The following SIAH1 variants were observed in gnomAD, a reference collection of about 807,000 sequenced individuals.
SIAH1 encodes siah E3 ubiquitin protein ligase 1.
SIAH1 carries 2 observed loss-of-function variants against 20.0 expected under a neutral mutation model. The observed-to-expected ratio is 0.10, with a 90% CI of 0.04 to 0.31. The LOEUF (loss-of-function observed/expected upper bound fraction) is 0.31, where lower values mean the gene tolerates loss of function less well. SIAH1 is among the 10% of genes least tolerant of loss of function. The probability of loss-of-function intolerance (pLI) is 1.00; values close to 1 mark genes in which losing one functional copy is unlikely to be tolerated. For missense variants in SIAH1, 119 were observed against 355.3 expected (o/e 0.33, Z 5.35); for synonymous variants, 118 against 125.3 (o/e 0.94, Z 0.39).
At chr16:48,385,143 G>T in intron 1 of SIAH1, 61 bp downstream of exon 1, 1 of 200,794 alleles carries the variant, frequency 5.0e-6, no homozygotes. Flanking sequence ...CCGGGCCTGG[G>T]CGCCCGCCTG....
At chr16:48,370,183 A>C (rs1960947373) in intron 1 of SIAH1, among the ~76,000 whole-genome samples, 1 of 152,218 alleles carries the variant, frequency 6.6e-6, no homozygotes, top group Non-Finnish European at 1.5e-5. Context: ...AAGCCAACAG[A>C]GACTGATGGC....
chr16:48,361,646 G>A lies in SIAH1; in HGVS notation c.783C>T (p.Thr261=), dbSNP rs1960601912. Residue 261 remains threonine (T), a synonymous_variant, in exon 2 of 2, where the codon ACC becomes ACT. Coordinates refer to ENST00000394725, the MANE Select transcript of SIAH1 (RefSeq NM_003031.4). The part of the protein sequence containing the change: ...IMNSDCLVFD[T]SIAQLFAENG... ...TTTCTGCAAAAAGCTGTGCAATGCT[G>A]GTGTCAAAGACTAGACAGTCGCTAT... 6.2e-7 allele frequency: 1 copy of A among 1,612,680 alleles called. No individual in the cohort carries two copies. Among genetic ancestry groups the A allele is most frequent in the African/African-American group, 1.3e-5 (1 of 74,882 alleles).
chr16:48,363,451 A>C (rs993379426), intron 1 of SIAH1: 6 of 167,094 alleles, frequency 3.6e-5, no homozygotes, highest in African/African-American at 1.2e-4. Context: ...TAAAAACACA[A>C]CTAAGGTGAA....
chr16:48,363,872 T>TG (rs1226400825), intron 1 of SIAH1: 1 of 164,136 alleles, frequency 6.1e-6, no homozygotes, highest in East Asian at 1.9e-4. Context: ...CTATTTGTCT[T>TG]GGGGGTGAAA....
In SIAH1 at chr16:48,361,249, G is replaced by A. The variant is rs1005355178; in HGVS notation, c.*331C>T. Reference sequence around the variant, plus strand: ...CACCCACGCAGGCACACACTCCCACGCAAAAACAAACTTTTTCAACAATAC... The same window carrying A: ...CACCCACGCAGGCACACACTCCCACACAAAAACAAACTTTTTCAACAATAC... On this transcript the variant is annotated 3_prime_UTR_variant, in exon 2 of 2. Coordinates refer to ENST00000394725, the MANE Select transcript of SIAH1 (RefSeq NM_003031.4). The A allele has an allele frequency of 3.4e-5, 9 of 265,648 alleles. No individual in the cohort carries two copies. Among genetic ancestry groups the A allele is most frequent in the South Asian group, 1.2e-4 (3 of 24,596 alleles). 16.5% of individuals were successfully genotyped at this position (265,648 alleles called of 1,614,324 possible).
At chr16:48,365,314 G>C (rs1272593642) in intron 1 of SIAH1, 1 of 1,521,896 alleles carries the variant, frequency 6.6e-7, no homozygotes, top group African/African-American at 1.4e-5. Context: ...CATTCCCTAA[G>C]CCAGGCAGGT....
chr16:48,373,107 GTC>G (rs575613317), intron 1 of SIAH1, among the ~76,000 whole-genome samples: 10 of 152,114 alleles, frequency 6.6e-5, no homozygotes, highest in Non-Finnish European at 1.5e-4. Flanking sequence ...TTCCAAACCA[GTC>G]TCTCTGTTTC....
At chr16:48,380,563 A>T (rs1012835541) in intron 1 of SIAH1, among the ~76,000 whole-genome samples, 5 of 152,180 alleles carry the variant, frequency 3.3e-5, no homozygotes, top group African/African-American at 4.8e-5. Context: ...TATACAGATA[A>T]CAACTAGCAT....
chr16:48,368,459 G>A (rs1893644411), intron 1 of SIAH1, among the ~76,000 whole-genome samples: 1 of 152,260 alleles, frequency 6.6e-6, no homozygotes, highest in Admixed American at 6.5e-5. Flanking sequence ...ACTTTGGGAG[G>A]CCAAGGCAGG....
At chr16:48,371,343 A>G (rs771841080) in intron 1 of SIAH1, among the ~76,000 whole-genome samples, 6 of 152,146 alleles carry the variant, frequency 3.9e-5, no homozygotes, top group Non-Finnish European at 7.3e-5. Context: ...GAATAACCCT[A>G]AAAAAATCAT....
chr16:48,366,695 C>G (rs1253510702), intron 1 of SIAH1, among the ~76,000 whole-genome samples: 1 of 152,182 alleles, frequency 6.6e-6, no homozygotes, highest in Non-Finnish European at 1.5e-5. Context: ...TTAGGGCAGC[C>G]TCAAAATGCA....
intron 1 of SIAH1, among the ~76,000 whole-genome samples, chr16:48,383,063 G>T (rs138557633): frequency 6.6e-6 from 1 of 152,138 alleles, no homozygotes; most frequent in Non-Finnish European, 1.5e-5. Flanking sequence ...AGCTTAGAGG[G>T]AATAGATTAA....
intron 1 of SIAH1, among the ~76,000 whole-genome samples, chr16:48,379,276 T>G (rs879570899): frequency 1.3e-5 from 2 of 152,138 alleles, no homozygotes; most frequent in Non-Finnish European, 2.9e-5. Flanking sequence ...AGCAATATAC[T>G]TAATAACTGT....
chr16:48,377,256 C>A lies in SIAH1; in HGVS notation c.-3+7948G>T, dbSNP rs184635013. Among the ~76,000 whole-genome samples the A allele has an allele frequency of 6.5e-3, 994 of 152,056 alleles. 8 individuals are homozygous for A. The highest frequency in any genetic ancestry group is 0.023 in the African/African-American group (949 of 41,462). On this transcript the variant is annotated intron_variant, in intron 1 of 1. Coordinates refer to ENST00000394725, the MANE Select transcript of SIAH1 (RefSeq NM_003031.4). ...AACAAAAACGAATAAGCAAAAAAAACCAAAAACAAAACAAAACAAAAAAAA... is the reference window on the plus strand; with the variant it reads ...AACAAAAACGAATAAGCAAAAAAAAACAAAAACAAAACAAAACAAAAAAAA...
At chr16:48,382,403 TA>T (rs1961321672) in intron 1 of SIAH1, among the ~76,000 whole-genome samples, 1 of 151,722 alleles carries the variant, frequency 6.6e-6, no homozygotes. Context: ...AAAATAAAAA[TA>T]AAGATCTGAA....
chr16:48,378,483 C>G (rs997491141), intron 1 of SIAH1, among the ~76,000 whole-genome samples: 4 of 152,144 alleles, frequency 2.6e-5, no homozygotes, highest in African/African-American at 9.7e-5. Context: ...GTGAAGGGGG[C>G]GGCTCCTTGT....
In SIAH1 at chr16:48,362,391, G is replaced by A. The variant is rs772333640; in HGVS notation, c.38C>T (p.Thr13Ile). The A allele has an allele frequency of 1.9e-6, 3 of 1,614,140 alleles. No homozygotes were observed. Among genetic ancestry groups the A allele is most frequent in the Non-Finnish European group, 2.5e-6 (3 of 1,180,010 alleles). Residue 13 changes from threonine (T) to isoleucine (I), a missense_variant, in exon 2 of 2, where the codon ACC (threonine) becomes ATC (isoleucine). By Grantham distance (89) the Thr-to-Ile change is moderately conservative. Around this residue, in one of 2 missense-constraint regions of SIAH1, gnomAD observed 35 missense variants for 47.5 expected, o/e 0.74. Transcript: ENST00000394725. The surrounding 1 kb of genome is among the most constrained non-coding windows in gnomAD (Gnocchi z 4.2). Reference sequence around the variant, plus strand: ...CCTCTGGGATGGTGGACACTTCGAGGTACCGGTAGGTAATGCTGTAGCAGT... The same window carrying A: ...CCTCTGGGATGGTGGACACTTCGAGATACCGGTAGGTAATGCTGTAGCAGT... ...RQTATALPTGTSKCPPSQRVP... is the reference protein window; with the variant it reads ...RQTATALPTGISKCPPSQRVP...
At chr16:48,374,530 A>G (rs900976640) in intron 1 of SIAH1, among the ~76,000 whole-genome samples, 2 of 152,218 alleles carry the variant, frequency 1.3e-5, no homozygotes, top group Non-Finnish European at 2.9e-5. Flanking sequence ...AAGGGAAATA[A>G]CCAAGAAAAA....
chr16:48,382,167 A>G (rs1174554218), intron 1 of SIAH1, among the ~76,000 whole-genome samples: 1 of 152,200 alleles, frequency 6.6e-6, no homozygotes, highest in Non-Finnish European at 1.5e-5. Context: ...ACTTGAGCCC[A>G]GGAGTTTGTG....
Sources: gnomAD v4.1 joint callset for allele counts (sites outside exome capture counted in the v4.1 genomes callset) on GRCh38, gnomAD v4.1.1 for gene constraint, gnomAD v4.1.1 regional missense constraint, Gnocchi (gnomAD v3.1) non-coding constraint, MANE v1.5 for transcripts, NCBI Gene and HGNC (gene_info 2026-07-23, HGNC 2026-07-21) for gene names.